Variants in CCDC148 observed in about 807,000 individuals in gnomAD.
CCDC148 encodes coiled-coil domain-containing protein 148.
CCDC148 carries 89 observed loss-of-function variants against 85.7 expected under a neutral mutation model. The ratio of observed to expected loss-of-function variants is 1.04; its 90% CI spans 0.87 to 1.24. The LOEUF is 1.24. CCDC148 is among the 50% of genes most tolerant of loss of function. The pLI, the probability that CCDC148 is intolerant of heterozygous loss-of-function variation, is 0.00. For synonymous variants in CCDC148, 230 were observed against 213.9 expected, an observed-to-expected ratio of 1.08 and a Z score of -0.66; for missense variants, 692 against 671.7, an observed-to-expected ratio of 1.03 and a Z score of -0.33.
intron 1 of CCDC148, among the ~76,000 whole-genome samples, chr2:158,418,808 A>G: frequency 6.6e-6 from 1 of 152,096 alleles, no homozygotes; most frequent in Non-Finnish European, 1.5e-5. Flanking sequence ...TATATCTCTT[A>G]GAATAATGCC....
chr2:158,367,819 T>C (rs1166895193), intron 1 of CCDC148, among the ~76,000 whole-genome samples: 2 of 152,136 alleles, frequency 1.3e-5, no homozygotes, highest in African/African-American at 4.8e-5. Context: ...TTCAAAAACA[T>C]TGAGGGCCTG....
chr2:158,241,234 T>C (rs866973735), intron 10 of CCDC148, among the ~76,000 whole-genome samples: 1 of 152,250 alleles, frequency 6.6e-6, no homozygotes, highest in African/African-American at 2.4e-5. Context: ...TATGTATGTA[T>C]GTATATGCAC....
At chr2:158,370,949 AAC>A (rs1256745497) in intron 1 of CCDC148, among the ~76,000 whole-genome samples, 1 of 151,920 alleles carries the variant, frequency 6.6e-6, no homozygotes, top group Non-Finnish European at 1.5e-5. Context: ...GCAAATATTT[AAC>A]ACTGGCAATT....
intron 1 of CCDC148, among the ~76,000 whole-genome samples, chr2:158,419,460 G>A (rs551096760): frequency 3.9e-5 from 6 of 152,200 alleles, no homozygotes; most frequent in Admixed American, 3.9e-4. Flanking sequence ...TAGTAGGAAG[G>A]GTATATATTG....
intron 9 of CCDC148, among the ~76,000 whole-genome samples, chr2:158,304,729 G>A (rs1192263452): frequency 1.3e-5 from 2 of 152,064 alleles, no homozygotes; most frequent in African/African-American, 2.4e-5. Flanking sequence ...GACTTTTCCT[G>A]AACTCATCAG....
At chr2:158,225,756 A>G (rs1687479503) in intron 10 of CCDC148, among the ~76,000 whole-genome samples, 1 of 152,214 alleles carries the variant, frequency 6.6e-6, no homozygotes, top group African/African-American at 2.4e-5. Flanking sequence ...TTTGAAACCA[A>G]TGAGAACAAA....
chr2:158,424,691 A>T (rs1274477120), intron 1 of CCDC148: 1 of 203,604 alleles, frequency 4.9e-6, no homozygotes, highest in African/African-American at 2.4e-5. Context: ...CGTTATGCAC[A>T]TGTACCCTAG....
intron 11 of CCDC148, among the ~76,000 whole-genome samples, chr2:158,208,141 G>C (rs1686350628): frequency 6.6e-6 from 1 of 152,136 alleles, no homozygotes. Context: ...TATGACCCTA[G>C]GGATCTTGGA....
chr2:158,380,149 C>T (rs1453779382), intron 1 of CCDC148, among the ~76,000 whole-genome samples: 1 of 151,948 alleles, frequency 6.6e-6, no homozygotes, highest in East Asian at 1.9e-4. Flanking sequence ...AGATTTATCC[C>T]AAGAAAACAT....
At chr2:158,284,988 T>A (rs1374083835) in intron 9 of CCDC148, among the ~76,000 whole-genome samples, 1 of 152,136 alleles carries the variant, frequency 6.6e-6, no homozygotes. Flanking sequence ...TAACTGATAT[T>A]AAGAATTCAG....
Position 158,250,389 on chromosome 2 carries a change from G to A in CCDC148, c.1251+383C>T, listed in dbSNP as rs185211159. Among the ~76,000 whole-genome samples the A allele has an allele frequency of 8.5e-4, 129 of 151,896 alleles. 1 individual carries two copies. Among genetic ancestry groups the A allele is most frequent in the Admixed American group, 2.6e-3 (39 of 15,218 alleles). On this transcript the variant is annotated intron_variant, in intron 10 of 13. Transcript: ENST00000283233. ...TAGTATAATATATTCTACCAACAAG[G>A]ATGTTTTTGGCAATTATTTACCACA...
chr2:158,295,351 G>T (rs1419513347), intron 9 of CCDC148, among the ~76,000 whole-genome samples: 1 of 152,060 alleles, frequency 6.6e-6, no homozygotes, highest in African/African-American at 2.4e-5. Context: ...AGAAAAAGAG[G>T]GAATCCTCCC....
intron 1 of CCDC148, among the ~76,000 whole-genome samples, chr2:158,402,837 G>C (rs1038939083): frequency 6.6e-6 from 1 of 152,044 alleles, no homozygotes; most frequent in Non-Finnish European, 1.5e-5. Flanking sequence ...AAAGTAAAGT[G>C]TACTATTTCA....
chr2:158,328,065 G>A (rs1323786091), intron 7 of CCDC148, among the ~76,000 whole-genome samples: 1 of 151,568 alleles, frequency 6.6e-6, no homozygotes, highest in Non-Finnish European at 1.5e-5. Flanking sequence ...TGCACAATGT[G>A]CAGGTTAGTC....
intron 11 of CCDC148, among the ~76,000 whole-genome samples, chr2:158,196,927 T>C (rs1685704961): frequency 6.6e-6 from 1 of 152,164 alleles, no homozygotes; most frequent in African/African-American, 2.4e-5. Flanking sequence ...CACCTTAGTA[T>C]CTACTAAAAC....
In CCDC148 at chr2:158,358,498, C is replaced by T. The variant is rs140798767; in HGVS notation, c.98G>A (p.Arg33His). Residue 33 changes from arginine (R) to histidine (H), a missense_variant, in exon 2 of 14, where the codon CGT becomes CAT. Physicochemically the swap from Arg to His is conservative, Grantham distance 29. Coordinates refer to ENST00000283233, the MANE Select transcript of CCDC148 (RefSeq NM_138803.4). ...CAATTTCTTTGCTTCAGTTAATGCACGCAATTGTTGATAGTCTACTGGTTT... is the reference window on the plus strand; with the variant it reads ...CAATTTCTTTGCTTCAGTTAATGCATGCAATTGTTGATAGTCTACTGGTTT... The part of the protein sequence containing the change: ...KYKPVDYQQL[R>H]ALTEAKKLAS... The T allele has an allele frequency of 2.7e-5, 43 of 1,608,052 alleles. No homozygotes were observed. Among genetic ancestry groups the T allele is most frequent in the South Asian group, 8.9e-5 (8 of 90,280 alleles).
In CCDC148 at chr2:158,409,209, G is replaced by C. The variant is rs554437316; in HGVS notation, c.25+47206C>G. 1.3e-4 allele frequency among the ~76,000 whole-genome samples: 20 copies of C among 152,340 alleles called. No individual in the cohort carries two copies. In the East Asian group the frequency reaches 3.9e-3, roughly 29 times the overall value. On this transcript the variant is annotated intron_variant, in intron 1 of 13. Coordinates refer to ENST00000283233, the MANE Select transcript of CCDC148 (RefSeq NM_138803.4). ...GTCCCTACTGGGGAACTGACTAGTG[G>C]AGCTGTGAGAAGAGGGCCACTATCC... is the stretch of plus-strand genomic sequence containing the variant.
At chr2:158,318,654 T>C (rs961236815) in intron 7 of CCDC148, among the ~76,000 whole-genome samples, 1 of 152,024 alleles carries the variant, frequency 6.6e-6, no homozygotes, top group Non-Finnish European at 1.5e-5. Flanking sequence ...TTTTTGGAAG[T>C]AGAATAGTAG....
At chr2:158,357,041 T>C (rs909308789) in intron 2 of CCDC148, among the ~76,000 whole-genome samples, 1 of 142,564 alleles carries the variant, frequency 7.0e-6, no homozygotes, top group Non-Finnish European at 1.5e-5. Context: ...TGAGATCACA[T>C]GGACACAGGA....
Sources: gnomAD v4.1 joint callset for allele counts (sites outside exome capture counted in the v4.1 genomes callset) on GRCh38, gnomAD v4.1.1 for gene constraint, MANE v1.5 for transcripts, NCBI Gene and HGNC (gene_info 2026-07-23, HGNC 2026-07-21) for gene names.